EPAS1: variants seen among roughly 807,000 people sequenced by gnomAD.
EPAS1 encodes endothelial PAS domain-containing protein 1.
A neutral mutation model predicts 87.9 loss-of-function variants in EPAS1; 23 were observed. The observed-to-expected ratio is 0.26, with a 90% CI of 0.19 to 0.37. EPAS1 has a LOEUF of 0.37. Among genes scored for constraint, EPAS1 ranks in the 10% least tolerant of loss-of-function variants. EPAS1 has a pLI of 1.00. For missense variants in EPAS1, 1,138 were observed against 1,120.7 expected, an observed-to-expected ratio of 1.02 and a Z score of -0.22; for synonymous variants, 508 against 444.3, an observed-to-expected ratio of 1.14 and a Z score of -1.80.
At position 46,371,651 on chromosome 2, in the gene EPAS1, TC is replaced by T. The variant is rs1684628933; in HGVS notation, c.886+1720del. Among the ~76,000 whole-genome samples, 1 of 152,188 alleles carries T rather than the reference TC, an allele frequency of 6.6e-6. No individual in the cohort carries two copies. The highest frequency in any genetic ancestry group is 1.5e-5 in the Non-Finnish European group (1 of 68,038). The stretch of plus-strand genomic sequence containing the variant: ...CTTCCCTTTGGGATTCCTTCATGCT[TC>T]CTGGTCCCTGAGGGGTTCCTGTTTT... On this transcript the variant is annotated intron_variant, in intron 7 of 15. Transcript: ENST00000263734. This position sits in a 1 kb window ranked among gnomAD's most constrained non-coding sequence, Gnocchi z 4.3.
chr2:46,371,718 C>T lies in EPAS1; in HGVS notation c.886+1785C>T, dbSNP rs928826439. ...GAATCATCCAGGCACTGGGACTTAG[C>T]GGCCCAGGCTCTGGCCCAGCCGACC... On this transcript the variant is annotated intron_variant, in intron 7 of 15. Coordinates refer to ENST00000263734, the MANE Select transcript of EPAS1 (RefSeq NM_001430.5). The surrounding 1 kb of genome is among the most constrained non-coding windows in gnomAD (Gnocchi z 4.3). 3.9e-5 allele frequency among the ~76,000 whole-genome samples: 6 copies of T among 152,166 alleles called. No homozygotes were observed. Among genetic ancestry groups the T allele is most frequent in the Non-Finnish European group, 7.4e-5 (5 of 68,026 alleles).
intron 12 of EPAS1, 103 bp from the exon 13 acceptor site, chr2:46,381,493 C>A: frequency 6.3e-7 from 1 of 1,587,284 alleles, no homozygotes; most frequent in African/African-American, 1.3e-5. Flanking sequence ...TTTGAGTCAT[C>A]ACAGGCATCA....
At chr2:46,303,022 G>A (rs1050487316) in intron 1 of EPAS1, among the ~76,000 whole-genome samples, 2 of 152,168 alleles carry the variant, frequency 1.3e-5, no homozygotes, top group South Asian at 2.1e-4. Flanking sequence ...GCAGTGAGCC[G>A]AGATCGTGCC....
chr2:46,298,185 G>T (rs1682925351), intron 1 of EPAS1, among the ~76,000 whole-genome samples: 1 of 152,216 alleles, frequency 6.6e-6, no homozygotes, highest in African/African-American at 2.4e-5. Flanking sequence ...CCAGGAGGCC[G>T]AGGGAGATGG....
At chr2:46,337,173 AC>A (rs751781372) in intron 1 of EPAS1, among the ~76,000 whole-genome samples, 2 of 152,208 alleles carry the variant, frequency 1.3e-5, no homozygotes, top group Non-Finnish European at 2.9e-5. Flanking sequence ...CACCAAAAGA[AC>A]AGGTGTGGGG....
In EPAS1 at chr2:46,375,475, T is replaced by C. The variant is rs763917474; in HGVS notation, c.887-215T>C. Among the ~76,000 whole-genome samples the C allele has an allele frequency of 3.9e-5, 6 of 152,156 alleles. No individual in the cohort carries two copies. Among genetic ancestry groups the C allele is most frequent in the Non-Finnish European group, 8.8e-5 (6 of 68,022 alleles). On this transcript the variant is annotated intron_variant, in intron 7 of 15. Transcript: ENST00000263734. This position sits in a 1 kb window ranked among gnomAD's most constrained non-coding sequence, Gnocchi z 4.1. ...ACAGCCTTGGGCAAGTCATTTCACC[T>C]CTTCTCACCTCTTTTTCCTATATTT...
chr2:46,306,052 A>G (rs1572612384), intron 1 of EPAS1, among the ~76,000 whole-genome samples: 1 of 152,284 alleles, frequency 6.6e-6, no homozygotes, highest in African/African-American at 2.4e-5. Flanking sequence ...GAATAAGAGG[A>G]CACATGAGCT....
intron 1 of EPAS1, among the ~76,000 whole-genome samples, chr2:46,324,863 C>T (rs531298379): frequency 4.6e-5 from 7 of 152,352 alleles, no homozygotes; most frequent in Non-Finnish European, 8.8e-5. Context: ...ACACTGAAAA[C>T]GAATTGGGCT....
chr2:46,297,704 T>C lies in EPAS1; in HGVS notation c.-208T>C. On this transcript the variant is annotated 5_prime_UTR_variant, in exon 1 of 16. Coordinates refer to ENST00000263734, the MANE Select transcript of EPAS1 (RefSeq NM_001430.5). ...GACCCCGCCTCCGCGCGCAGGTTCC[T>C]CCCAGTCACCTTTCTCCACCCCCGC... 1.7e-6 allele frequency: 1 copy of C among 593,880 alleles called. No individual in the cohort carries two copies. The highest frequency in any genetic ancestry group is 2.0e-5 in the South Asian group (1 of 49,304). 36.8% of individuals were successfully genotyped at this position (593,880 alleles called of 1,614,324 possible).
Position 46,375,211 on chromosome 2 carries a change from G to A in EPAS1, c.887-479G>A, listed in dbSNP as rs1416859506. Among the ~76,000 whole-genome samples, 1 of 147,704 alleles carries A rather than the reference G, an allele frequency of 6.8e-6. No individual in the cohort carries two copies. The highest frequency in any genetic ancestry group is 3.3e-3 in the Middle Eastern group (1 of 304). ...AAAACAAAAAAAAACAAAAAAAACT[G>A]CCCTGAGGTCAGGCTTTCTCCAGGC... On this transcript the variant is annotated intron_variant, in intron 7 of 15. Transcript: ENST00000263734. This position sits in a 1 kb window ranked among gnomAD's most constrained non-coding sequence, Gnocchi z 4.1.
At chr2:46,359,438 C>A (rs193296219) in intron 4 of EPAS1, among the ~76,000 whole-genome samples, 2 of 151,948 alleles carry the variant, frequency 1.3e-5, no homozygotes, top group African/African-American at 4.8e-5. Flanking sequence ...ACAGGTATAT[C>A]TCATTGTATG....
At chr2:46,364,173 G>C (rs995940390) in intron 6 of EPAS1, among the ~76,000 whole-genome samples, 6 of 152,276 alleles carry the variant, frequency 3.9e-5, no homozygotes, top group African/African-American at 1.4e-4. Context: ...ATACCTAATG[G>C]GGTGAGGGGT....
At position 46,300,861 on chromosome 2, in the gene EPAS1, C is replaced by G. The variant is rs554817478; in HGVS notation, c.26+2924C>G. 6.6e-6 allele frequency among the ~76,000 whole-genome samples: 1 copy of G among 152,282 alleles called. No individual in the cohort carries two copies. Among genetic ancestry groups the G allele is most frequent in the African/African-American group, 2.4e-5 (1 of 41,562 alleles). On this transcript the variant is annotated intron_variant, in intron 1 of 15. Coordinates refer to ENST00000263734, the MANE Select transcript of EPAS1 (RefSeq NM_001430.5). This position sits in a 1 kb window ranked among gnomAD's most constrained non-coding sequence, Gnocchi z 4.1. ...AGACACCTGGATCTCCAATCTCCCCCTCCTTCTGACAGCTGGACTTAGTTG... is the reference window on the plus strand; with the variant it reads ...AGACACCTGGATCTCCAATCTCCCCGTCCTTCTGACAGCTGGACTTAGTTG...
At chr2:46,382,740 C>T in intron 15 of EPAS1, 142 bp downstream of exon 15, 1 of 1,152,418 alleles carries the variant, frequency 8.7e-7, no homozygotes, top group South Asian at 1.3e-5. Context: ...GCTCAGGTCT[C>T]CTTGGATTTA....
chr2:46,312,264 G>C (rs1335842368), intron 1 of EPAS1, among the ~76,000 whole-genome samples: 1 of 152,030 alleles, frequency 6.6e-6, no homozygotes, highest in African/African-American at 2.4e-5. Context: ...CTCCACATGG[G>C]GTTCAGAGGA....
Position 46,369,808 on chromosome 2 carries a change from T to C in EPAS1, c.780-19T>C. On this transcript the variant is annotated intron_variant, in intron 6 of 15. Coordinates refer to ENST00000263734, the MANE Select transcript of EPAS1 (RefSeq NM_001430.5). ...AATATGGTCTTTCTTCCTTACATGC[T>C]GCCTTTTTAAAAACTCAGAATCACA... The C allele has an allele frequency of 6.3e-7, 1 of 1,594,364 alleles. No individual in the cohort carries two copies. The highest frequency in any genetic ancestry group is 8.6e-7 in the Non-Finnish European group (1 of 1,164,150).
At chr2:46,340,176 T>C (rs557094257) in intron 1 of EPAS1, among the ~76,000 whole-genome samples, 1 of 152,066 alleles carries the variant, frequency 6.6e-6, no homozygotes, top group South Asian at 2.1e-4. Context: ...ATGGGCTGCT[T>C]AGTAATCGAA....
Position 46,382,675 on chromosome 2 carries a change from C to T in EPAS1, c.2461+77C>T, listed in dbSNP as rs768034719. Reference sequence around the variant, plus strand: ...AAGCCCACGTCTACTTTTTTTCCAGCGTCTGCACAGTGCCAGGCACAGGGA... The same window carrying T: ...AAGCCCACGTCTACTTTTTTTCCAGTGTCTGCACAGTGCCAGGCACAGGGA... On this transcript the variant is annotated intron_variant, in intron 15 of 15. Coordinates refer to ENST00000263734, the MANE Select transcript of EPAS1 (RefSeq NM_001430.5). 5.2e-5 allele frequency: 81 copies of T among 1,569,662 alleles called. No homozygotes were observed. The East Asian group carries it at 6.0e-4, about 12-fold the overall frequency.
At chr2:46,345,125 C>A (rs935769779) in intron 1 of EPAS1, among the ~76,000 whole-genome samples, 4 of 152,200 alleles carry the variant, frequency 2.6e-5, no homozygotes, top group African/African-American at 9.7e-5. Flanking sequence ...ATGAACTTCG[C>A]TGGATGCTTT....
Sources: allele counts gnomAD v4.1 joint callset (sites outside exome capture counted in the v4.1 genomes callset), GRCh38; gene constraint gnomAD v4.1.1; non-coding constraint Gnocchi (gnomAD v3.1); transcripts MANE v1.5; gene names NCBI Gene and HGNC (gene_info 2026-07-23, HGNC 2026-07-21).